The following ADGRL3 variants were observed in gnomAD, a reference collection of about 807,000 sequenced individuals.
ADGRL3 encodes calcium-independent alpha-latrotoxin receptor 3.
ADGRL3 carries 62 observed loss-of-function variants against 153.5 expected under a neutral mutation model. The ratio of observed to expected loss-of-function variants is 0.40; its 90% CI spans 0.33 to 0.50. ADGRL3 has a LOEUF of 0.50. Among genes scored for constraint, ADGRL3 ranks in the 20% least tolerant of loss-of-function variants. The probability of loss-of-function intolerance (pLI) is 0.47; values close to 1 mark genes in which losing one functional copy is unlikely to be tolerated. For synonymous variants in ADGRL3, 710 were observed against 672.5 expected, an observed-to-expected ratio of 1.06 and a Z score of -0.86; for missense variants, 1,641 against 1,859.4, an observed-to-expected ratio of 0.88 and a Z score of 2.16.
intron 5 of ADGRL3, among the ~76,000 whole-genome samples, chr4:61,629,037 C>A (rs1362206462): frequency 2.0e-5 from 3 of 152,118 alleles, no homozygotes; most frequent in African/African-American, 7.2e-5. Context: ...CAAATCCATG[C>A]TGAGAAAACA....
intron 9 of ADGRL3, among the ~76,000 whole-genome samples, chr4:61,854,191 G>A (rs2098238551): frequency 6.6e-6 from 1 of 152,060 alleles, no homozygotes; most frequent in South Asian, 2.1e-4. Context: ...AGAATTTACT[G>A]GACAATACTT....
At chr4:61,459,143 G>T (rs1263532190) in intron 2 of ADGRL3, among the ~76,000 whole-genome samples, 1 of 151,528 alleles carries the variant, frequency 6.6e-6, no homozygotes, top group East Asian at 1.9e-4. Context: ...CAAAAAAATT[G>T]TACAGAAGTT....
intron 6 of ADGRL3, chr4:61,677,307 T>C: frequency 2.8e-6 from 1 of 352,834 alleles, no homozygotes; most frequent in Non-Finnish European, 5.3e-6. Flanking sequence ...TAGCAGTTGA[T>C]ACATTTTGAA....
intron 2 of ADGRL3, among the ~76,000 whole-genome samples, chr4:61,471,545 G>C (rs1439028387): frequency 6.6e-6 from 1 of 151,668 alleles, no homozygotes; most frequent in African/African-American, 2.4e-5. Flanking sequence ...AAAAAGCTGT[G>C]ATTTTGAAAA....
intron 1 of ADGRL3, among the ~76,000 whole-genome samples, chr4:61,346,654 T>C (rs982672092): frequency 2.0e-5 from 3 of 151,386 alleles, no homozygotes; most frequent in African/African-American, 4.9e-5. Flanking sequence ...TCATGACTAT[T>C]GTCCCGGCTA....
At chr4:61,715,906 G>A (rs34324117) in intron 6 of ADGRL3, among the ~76,000 whole-genome samples, 3,603 of 130,614 alleles carry the variant, frequency 0.028, 60 homozygotes, top group Non-Finnish European at 0.043. Flanking sequence ...TTTCATAACA[G>A]GAAAGGAATT....
intron 6 of ADGRL3, among the ~76,000 whole-genome samples, chr4:61,705,639 A>T (rs1436172198): frequency 1.3e-5 from 2 of 151,920 alleles, no homozygotes; most frequent in African/African-American, 4.8e-5. Flanking sequence ...CTGGGATTAC[A>T]GGCATGCACC....
intron 23 of ADGRL3, among the ~76,000 whole-genome samples, chr4:62,032,561 A>G (rs138525370): frequency 1.5e-3 from 223 of 151,704 alleles, no homozygotes; most frequent in African/African-American, 5.2e-3. Context: ...ATTCAAAGAA[A>G]TGGCTCTGAA....
chr4:61,501,408 T>C (rs1164718791), intron 3 of ADGRL3, among the ~76,000 whole-genome samples: 3 of 152,176 alleles, frequency 2.0e-5, no homozygotes, highest in African/African-American at 4.8e-5. Context: ...TTCATTTTTT[T>C]CCCCTGCTCC....
At chr4:61,604,149 A>G (rs1349215867) in intron 5 of ADGRL3, among the ~76,000 whole-genome samples, 1 of 152,168 alleles carries the variant, frequency 6.6e-6, no homozygotes, top group African/African-American at 2.4e-5. Context: ...AAAGGCCACA[A>G]AGTGAAAATG....
At chr4:61,543,694 C>A (rs184377240) in intron 4 of ADGRL3, among the ~76,000 whole-genome samples, 8 of 152,320 alleles carry the variant, frequency 5.3e-5, no homozygotes, top group Non-Finnish European at 1.0e-4. Context: ...TTTACTTAAA[C>A]ATACCTGTAT....
chr4:61,462,302 T>G (rs115993168), intron 2 of ADGRL3, among the ~76,000 whole-genome samples: 1 of 152,326 alleles, frequency 6.6e-6, no homozygotes, highest in Non-Finnish European at 1.5e-5. Flanking sequence ...TCTTGTCTTT[T>G]ATTAAAATAC....
At chr4:61,900,301 GT>G (rs1000023428) in intron 11 of ADGRL3, among the ~76,000 whole-genome samples, 5 of 151,152 alleles carry the variant, frequency 3.3e-5, no homozygotes, top group African/African-American at 1.2e-4. Context: ...CATGAATTAT[GT>G]TTTTTTTTCC....
chr4:61,415,758 A>C (rs2097137877), intron 2 of ADGRL3, among the ~76,000 whole-genome samples: 1 of 151,944 alleles, frequency 6.6e-6, no homozygotes, highest in Non-Finnish European at 1.5e-5. Flanking sequence ...ATTTAAACTA[A>C]ATTATCTTTT....
At chr4:62,001,463 A>C (rs1266878752) in intron 21 of ADGRL3, among the ~76,000 whole-genome samples, 2 of 152,194 alleles carry the variant, frequency 1.3e-5, no homozygotes, top group African/African-American at 4.8e-5. Flanking sequence ...TGTTGAAGAA[A>C]AACAACAAGG....
At chr4:61,366,921 C>T (rs2096408434) in intron 1 of ADGRL3, among the ~76,000 whole-genome samples, 1 of 152,112 alleles carries the variant, frequency 6.6e-6, no homozygotes, top group Non-Finnish European at 1.5e-5. Context: ...ATATTTAACT[C>T]AGTTTTGTAG....
intron 8 of ADGRL3, among the ~76,000 whole-genome samples, chr4:61,790,650 A>G (rs1343002715): frequency 6.6e-6 from 1 of 152,194 alleles, no homozygotes; most frequent in Admixed American, 6.5e-5. Flanking sequence ...CCTTTTAAAT[A>G]ACTGGAGGCT....
At position 61,872,349 on chromosome 4, in the gene ADGRL3, G is replaced by A. The variant is rs895444181; in HGVS notation, c.1481-20307G>A. 3.0e-4 allele frequency among the ~76,000 whole-genome samples: 46 copies of A among 151,592 alleles called. 1 individual carries two copies. Among genetic ancestry groups the A allele is most frequent in the Non-Finnish European group, 5.9e-5 (4 of 67,952 alleles). ...AAAGTGATAGTCATGTTGCATTAGTGGCAGCAGAGAATAATGCCTGCCAAC... is the reference window on the plus strand; with the variant it reads ...AAAGTGATAGTCATGTTGCATTAGTAGCAGCAGAGAATAATGCCTGCCAAC... On this transcript the variant is annotated intron_variant, in intron 9 of 26. Transcript: ENST00000683033.
chr4:61,959,725 AC>A, intron 17 of ADGRL3, among the ~76,000 whole-genome samples: 1 of 152,316 alleles, frequency 6.6e-6, no homozygotes, highest in African/African-American at 2.4e-5. Context: ...GAATATTTTT[AC>A]TTTTTAAAGC....
Sources: gnomAD v4.1 joint callset for allele counts (sites outside exome capture counted in the v4.1 genomes callset) on GRCh38, gnomAD v4.1.1 for gene constraint, MANE v1.5 for transcripts, NCBI Gene and HGNC (gene_info 2026-07-23, HGNC 2026-07-21) for gene names.